The following DEUP1 variants were observed in gnomAD, a reference collection of about 807,000 sequenced individuals.
The protein encoded by DEUP1 is deuterosome assembly protein 1.
Under a neutral mutation model 87.4 loss-of-function variants are expected in DEUP1, and 82 were observed. That is an observed-to-expected ratio of 0.94 (90% CI 0.78 to 1.13). DEUP1 has a LOEUF of 1.13. Among genes scored for constraint, DEUP1 ranks in the 50% most tolerant of loss-of-function variants. The pLI is 0.00. For synonymous variants in DEUP1, 214 were observed against 222.7 expected (o/e 0.96, Z 0.35); for missense variants, 663 against 681.5 (o/e 0.97, Z 0.30).
chr11:93,433,195 A>G (rs1464545700), intron 13 of DEUP1, among the ~76,000 whole-genome samples: 5 of 152,174 alleles, frequency 3.3e-5, no homozygotes, highest in Admixed American at 3.3e-4. Flanking sequence ...TTGAAAACAC[A>G]CTGGCCTAGA....
intron 13 of DEUP1, among the ~76,000 whole-genome samples, chr11:93,430,781 T>C (rs1468031261): frequency 6.6e-6 from 1 of 152,054 alleles, no homozygotes; most frequent in African/African-American, 2.4e-5. Flanking sequence ...AAATTAATGA[T>C]TGGAAATAAA....
chr11:93,369,649 C>CTTTTTTTTTCTCAGAATGAAGAT (rs1591157599), intron 5 of DEUP1, among the ~76,000 whole-genome samples: 4 of 73,536 alleles, frequency 5.4e-5, no homozygotes, highest in African/African-American at 5.2e-5. Context: ...AATGGATTTA[C>CTTTTTTTTTCTCAGAATGAAGAT]GGCCGGGCGC....
chr11:93,379,805 A>T (rs994813386), intron 7 of DEUP1, among the ~76,000 whole-genome samples: 29 of 137,694 alleles, frequency 2.1e-4, no homozygotes, highest in African/African-American at 6.2e-4. Flanking sequence ...AGTCCATGTT[A>T]CCTATTTTGA....
chr11:93,354,740 C>T (rs985367698), intron 2 of DEUP1, among the ~76,000 whole-genome samples: 8 of 152,194 alleles, frequency 5.3e-5, no homozygotes, highest in African/African-American at 1.7e-4. Context: ...GAGAATAGCA[C>T]AGGAAAGACT....
At chr11:93,369,508 G>A (rs946829184) in intron 5 of DEUP1, among the ~76,000 whole-genome samples, 10 of 151,350 alleles carry the variant, frequency 6.6e-5, no homozygotes, top group Non-Finnish European at 1.3e-4. Context: ...TTTGTTATAA[G>A]ACAGACTTTT....
chr11:93,435,971 G>A lies in DEUP1; in HGVS notation c.1639-1572G>A, dbSNP rs368442987. Among the ~76,000 whole-genome samples the A allele has an allele frequency of 2.7e-5, 4 of 149,238 alleles. No homozygotes were observed. The East Asian group carries it at 6.0e-4, about 22-fold the overall frequency. On this transcript the variant is annotated intron_variant, in intron 13 of 13. Transcript: ENST00000298050. The stretch of plus-strand genomic sequence containing the variant: ...AGATCACGCCACTGCACTCCAGTGT[G>A]GGCGACAGAGTGAGACTCCGTCTCA...
chr11:93,394,577 T>C lies in DEUP1; in HGVS notation c.1160T>C (p.Val387Ala), dbSNP rs752567313. 6.2e-7 allele frequency: 1 copy of C among 1,613,116 alleles called. No homozygotes were observed. The highest frequency in any genetic ancestry group is 1.7e-5 in the Admixed American group (1 of 59,912). The change falls in exon 10 of 14, where the codon GTC (valine) becomes GCC (alanine). Residue 387 changes from valine (V) to alanine (A), a missense_variant. Transcript: ENST00000298050. ...LHQKEITIAT[V>A]TKKAALLEKQ... The stretch of plus-strand genomic sequence containing the variant: ...CAGAAGGAGATCACTATAGCAACTG[T>C]CACAAAGAAAGCTGCCCTTCTGGAA...
intron 2 of DEUP1, among the ~76,000 whole-genome samples, chr11:93,349,466 T>A (rs1944521915): frequency 6.6e-6 from 1 of 152,150 alleles, no homozygotes. Context: ...TCCATCTGGT[T>A]AAATAAAAGT....
chr11:93,389,986 C>G (rs1407281396), intron 9 of DEUP1, among the ~76,000 whole-genome samples: 2 of 152,194 alleles, frequency 1.3e-5, no homozygotes, highest in Non-Finnish European at 2.9e-5. Flanking sequence ...TGGTTCTTTA[C>G]TCTCCTACAA....
chr11:93,392,280 C>G (rs778158120), intron 9 of DEUP1, among the ~76,000 whole-genome samples: 1 of 152,212 alleles, frequency 6.6e-6, no homozygotes, highest in Non-Finnish European at 1.5e-5. Context: ...ACCTTCCACA[C>G]CTTCCAGGAC....
intron 7 of DEUP1, among the ~76,000 whole-genome samples, chr11:93,378,020 G>C (rs529499851): frequency 3.0e-4 from 45 of 151,784 alleles, no homozygotes; most frequent in Non-Finnish European, 5.7e-4. Context: ...TGATGCTTTT[G>C]CCTCACAGCT....
intron 11 of DEUP1, among the ~76,000 whole-genome samples, chr11:93,402,873 G>T (rs879725219): frequency 1.6e-4 from 24 of 151,838 alleles, no homozygotes; most frequent in African/African-American, 3.9e-4. Context: ...AAGAAGGATA[G>T]GGAGGAAGGG....
chr11:93,403,646 T>C (rs1947187095), intron 11 of DEUP1, among the ~76,000 whole-genome samples: 1 of 151,860 alleles, frequency 6.6e-6, no homozygotes, highest in Non-Finnish European at 1.5e-5. Context: ...GGATTTATTA[T>C]TCTTTTCATA....
intron 12 of DEUP1, among the ~76,000 whole-genome samples, chr11:93,410,834 G>C (rs1947415166): frequency 6.6e-6 from 1 of 152,052 alleles, no homozygotes; most frequent in South Asian, 2.1e-4. Context: ...AGACAGTAGG[G>C]GACACAAAAA....
intron 13 of DEUP1, among the ~76,000 whole-genome samples, chr11:93,418,897 T>A (rs1366866871): frequency 6.6e-6 from 1 of 151,848 alleles, no homozygotes; most frequent in Non-Finnish European, 1.5e-5. Context: ...ATGGATGAAG[T>A]TGGAAATCAT....
intron 7 of DEUP1, among the ~76,000 whole-genome samples, chr11:93,374,324 T>G (rs555719585): frequency 5.9e-5 from 9 of 152,338 alleles, no homozygotes; most frequent in African/African-American, 1.9e-4. Context: ...TGCATTTGCT[T>G]TTGGGTTCTT....
intron 12 of DEUP1, 24 bp downstream of exon 12, chr11:93,408,451 G>C: frequency 6.7e-6 from 9 of 1,351,318 alleles, no homozygotes; most frequent in Non-Finnish European, 9.0e-6. Flanking sequence ...ATTATATAAG[G>C]GCATAAGTTT....
intron 11 of DEUP1, among the ~76,000 whole-genome samples, chr11:93,398,299 A>T (rs11020305): frequency 0.26 from 38,902 of 151,920 alleles, 5,299 homozygotes; most frequent in Middle Eastern, 0.38. Flanking sequence ...AATTTATTAA[A>T]CTATTTTTAT....
At chr11:93,404,768 A>G (rs1034709904) in intron 11 of DEUP1, among the ~76,000 whole-genome samples, 2 of 152,086 alleles carry the variant, frequency 1.3e-5, no homozygotes, top group African/African-American at 4.8e-5. Context: ...AAAGAAAACA[A>G]AAGTTGAGTA....
Sources: gnomAD v4.1 joint callset for allele counts (sites outside exome capture counted in the v4.1 genomes callset) on GRCh38, gnomAD v4.1.1 for gene constraint, MANE v1.5 for transcripts, NCBI Gene and HGNC (gene_info 2026-07-23, HGNC 2026-07-21) for gene names.